Variants in C1orf87 observed in about 807,000 individuals in gnomAD.
C1orf87 encodes the protein uncharacterized protein C1orf87.
Under a neutral mutation model 60.5 loss-of-function variants are expected in C1orf87, and 58 were observed. The ratio of observed to expected loss-of-function variants is 0.96; its 90% CI spans 0.78 to 1.19. C1orf87 has a LOEUF of 1.19. Ranked by LOEUF, C1orf87 falls within the 50% of genes most tolerant of loss-of-function variation. The probability of loss-of-function intolerance (pLI) is 0.00; values close to 1 mark genes in which losing one functional copy is unlikely to be tolerated. For missense variants in C1orf87, 673 were observed against 638.6 expected (o/e 1.05, Z -0.58); for synonymous variants, 236 against 227.4 (o/e 1.04, Z -0.34).
chr1:60,044,714 C>T (rs180855920), intron 3 of C1orf87, among the ~76,000 whole-genome samples: 16 of 152,112 alleles, frequency 1.1e-4, no homozygotes, highest in Admixed American at 4.6e-4. Flanking sequence ...GTGTTCCCCA[C>T]GTGTCAAAAA....
intron 6 of C1orf87, among the ~76,000 whole-genome samples, chr1:60,034,694 C>A (rs561062023): frequency 6.6e-6 from 1 of 152,206 alleles, no homozygotes; most frequent in African/African-American, 2.4e-5. Flanking sequence ...TCCTGCACAC[C>A]CCTGATTTAT....
At chr1:60,016,641 C>T (rs1316001484) in intron 8 of C1orf87, among the ~76,000 whole-genome samples, 1 of 152,096 alleles carries the variant, frequency 6.6e-6, no homozygotes, top group Admixed American at 6.5e-5. Context: ...TATTTCAGAA[C>T]CAGGTTGCCA....
At chr1:60,018,868 C>T (rs1574303731) in intron 8 of C1orf87, among the ~76,000 whole-genome samples, 1 of 152,142 alleles carries the variant, frequency 6.6e-6, no homozygotes, top group African/African-American at 2.4e-5. Context: ...GCTCTTATCA[C>T]CATGTGATAT....
At chr1:60,000,531 C>T (rs1208215992) in intron 10 of C1orf87, among the ~76,000 whole-genome samples, 1 of 152,064 alleles carries the variant, frequency 6.6e-6, no homozygotes, top group East Asian at 1.9e-4. Flanking sequence ...AACAGAAAAA[C>T]TCAGGCTGTT....
In C1orf87 at chr1:59,999,884, G is replaced by T. The variant is rs79460972; in HGVS notation, c.1272+1193C>A. 1.1e-3 allele frequency among the ~76,000 whole-genome samples: 166 copies of T among 152,172 alleles called. 4 individuals are homozygous for T. In the East Asian group the frequency reaches 0.03, roughly 28 times the overall value. On this transcript the variant is annotated intron_variant, in intron 10 of 11. Coordinates refer to ENST00000371201, the MANE Select transcript of C1orf87 (RefSeq NM_152377.3). ...TGCCATATATGCCTTGATTGTTTGGGTTCTTACTCATTCTTCAAGACTTGG... is the reference window on the plus strand; with the variant it reads ...TGCCATATATGCCTTGATTGTTTGGTTTCTTACTCATTCTTCAAGACTTGG...
intron 11 of C1orf87, among the ~76,000 whole-genome samples, chr1:59,992,138 A>G (rs2100228674): frequency 6.6e-6 from 1 of 152,300 alleles, no homozygotes; most frequent in Middle Eastern, 3.4e-3. Context: ...ACTAAAGCCT[A>G]GAGACTGCAA....
chr1:59,990,443 G>C lies in C1orf87; in HGVS notation c.*230C>G. On this transcript the variant is annotated 3_prime_UTR_variant, in exon 12 of 12. Transcript: ENST00000371201. Reference sequence around the variant, plus strand: ...AAACAGAAGGAGATTCTAAGTAGCTGGGTTCTTGCCACATCAAAAGATAAA... The same window carrying C: ...AAACAGAAGGAGATTCTAAGTAGCTCGGTTCTTGCCACATCAAAAGATAAA... 1 of 337,782 alleles carries C rather than the reference G, an allele frequency of 3.0e-6. No individual in the cohort carries two copies. The highest frequency in any genetic ancestry group is 5.3e-6 in the Non-Finnish European group (1 of 188,540). The allele number at this position is 337,782 out of a possible 1,614,324, so 20.9% of individuals were successfully genotyped here. A position where few individuals can be genotyped will look rare whatever the true frequency, so the allele number is the denominator to read the frequency against.
At chr1:60,060,224 T>C (rs1446647787) in intron 2 of C1orf87, among the ~76,000 whole-genome samples, 2 of 152,158 alleles carry the variant, frequency 1.3e-5, no homozygotes, top group Non-Finnish European at 2.9e-5. Flanking sequence ...AATGTAATTA[T>C]TTTAGCTAAT....
intron 3 of C1orf87, among the ~76,000 whole-genome samples, chr1:60,047,772 T>C: frequency 6.7e-6 from 1 of 149,412 alleles, no homozygotes; most frequent in Non-Finnish European, 1.5e-5. Flanking sequence ...AGTGACTCAC[T>C]TGCTTTATCA....
chr1:59,991,983 T>A (rs115507824), intron 11 of C1orf87, among the ~76,000 whole-genome samples: 555 of 152,234 alleles, frequency 3.6e-3, no homozygotes, highest in Non-Finnish European at 6.0e-3. Context: ...GGGAGAGAAG[T>A]TATTCAGAAA....
intron 11 of C1orf87, among the ~76,000 whole-genome samples, chr1:59,992,868 T>C (rs997772915): frequency 6.6e-6 from 1 of 152,226 alleles, no homozygotes; most frequent in Non-Finnish European, 1.5e-5. Flanking sequence ...TGTTCTGGTT[T>C]GTTCATTGCC....
chr1:60,062,772 A>G (rs1032882481), intron 2 of C1orf87, among the ~76,000 whole-genome samples: 4 of 152,116 alleles, frequency 2.6e-5, no homozygotes, highest in Admixed American at 6.6e-5. Context: ...TTTGACTTTG[A>G]CTTTGTATTA....
At chr1:60,007,948 T>A (rs867497675) in intron 9 of C1orf87, among the ~76,000 whole-genome samples, 12 of 152,072 alleles carry the variant, frequency 7.9e-5, no homozygotes, top group African/African-American at 2.9e-4. Flanking sequence ...GTATCTTTTT[T>A]AAGTTTCTGT....
chr1:60,044,276 C>T (rs546104975), intron 3 of C1orf87, among the ~76,000 whole-genome samples: 13 of 152,180 alleles, frequency 8.5e-5, no homozygotes, highest in East Asian at 1.9e-4. Context: ...GTGATCTGCC[C>T]GCCTCGGCCT....
At chr1:60,046,780 TTCA>T (rs1397601544) in intron 3 of C1orf87, among the ~76,000 whole-genome samples, 1 of 152,144 alleles carries the variant, frequency 6.6e-6, no homozygotes, top group African/African-American at 2.4e-5. Flanking sequence ...CTCTGCCCCT[TTCA>T]TCATTATTTT....
intron 8 of C1orf87, among the ~76,000 whole-genome samples, chr1:60,024,152 T>G (rs946666475): frequency 6.6e-6 from 1 of 152,198 alleles, no homozygotes; most frequent in Non-Finnish European, 1.5e-5. Flanking sequence ...TTTTCCTGCT[T>G]CTTTTTGTGC....
intron 8 of C1orf87, among the ~76,000 whole-genome samples, chr1:60,016,767 C>T (rs1276240519): frequency 1.3e-5 from 2 of 152,122 alleles, no homozygotes; most frequent in African/African-American, 2.4e-5. Context: ...ATACCTGCCC[C>T]TGGAGCTTAA....
At chr1:60,027,535 A>G (rs1341366659) in intron 7 of C1orf87, among the ~76,000 whole-genome samples, 1 of 152,246 alleles carries the variant, frequency 6.6e-6, no homozygotes, top group Non-Finnish European at 1.5e-5. Context: ...TCTTTTCAGT[A>G]GCAGTCATCT....
chr1:59,996,406 C>CAT (rs2100235022), intron 11 of C1orf87, among the ~76,000 whole-genome samples: 1 of 152,254 alleles, frequency 6.6e-6, no homozygotes, highest in African/African-American at 2.4e-5. Flanking sequence ...TCATTCTGCA[C>CAT]ATAGTCATCA....
Sources: allele counts gnomAD v4.1 joint callset (sites outside exome capture counted in the v4.1 genomes callset), GRCh38; gene constraint gnomAD v4.1.1; transcripts MANE v1.5; gene names NCBI Gene and HGNC (gene_info 2026-07-23, HGNC 2026-07-21).